Variants in NRXN1 observed in about 807,000 individuals in gnomAD.
NRXN1 encodes neurexin-1.
Under a neutral mutation model 150.9 loss-of-function variants are expected in NRXN1, and 39 were observed. That is an observed-to-expected ratio of 0.26 (90% confidence interval 0.20 to 0.34). The LOEUF is 0.34. NRXN1 is among the 10% of genes least tolerant of loss of function. NRXN1 has a pLI of 1.00. For synonymous variants in NRXN1, 924 were observed against 757.0 expected, an observed-to-expected ratio of 1.22 and a Z score of -3.62; for missense variants, 1,815 against 1,949.9, an observed-to-expected ratio of 0.93 and a Z score of 1.30.
chr2:49,976,548 G>C (rs192080656), intron 21 of NRXN1, among the ~76,000 whole-genome samples: 1 of 152,228 alleles, frequency 6.6e-6, no homozygotes, highest in Admixed American at 6.5e-5. Flanking sequence ...AGCATGACTG[G>C]TATGTTTTGA....
Position 49,920,373 on chromosome 2 carries a change from TAGAA to T in NRXN1, c.*1567_*1570del, listed in dbSNP as rs942696276. On this transcript the variant is annotated 3_prime_UTR_variant, in exon 23 of 23. Coordinates refer to ENST00000401669, the MANE Select transcript of NRXN1 (RefSeq NM_001330078.2). ...TTCAGAGATATATATATTATTTTAT[TAGAA>T]AGAAAGTTTTCAATTGCAGCAGCCA... 2 of 152,580 alleles carry T rather than the reference TAGAA, an allele frequency of 1.3e-5. No homozygotes were observed. Among genetic ancestry groups the T allele is most frequent in the African/African-American group, 2.4e-5 (1 of 41,426 alleles). The allele number at this position is 152,580 out of a possible 1,614,324, so 9.5% of individuals were successfully genotyped here.
intron 21 of NRXN1, among the ~76,000 whole-genome samples, chr2:50,025,028 C>G (rs1418398376): frequency 6.6e-6 from 1 of 152,000 alleles, no homozygotes; most frequent in Admixed American, 6.6e-5. Context: ...TTCACTCAGC[C>G]TATATATCTA....
chr2:50,788,253 A>AT lies in NRXN1; in HGVS notation c.832+133615dup, dbSNP rs531389570. Among the ~76,000 whole-genome samples the AT allele has an allele frequency of 5.3e-3, 801 of 151,494 alleles. 2 individuals carry two copies. Among genetic ancestry groups the AT allele is most frequent in the Middle Eastern group, 0.014 (4 of 294 alleles). ...AGGCACCCGCCACCATGCCTGGTTAATTTTTTTTGTATTTTTAGTAGAGAT... is the reference window on the plus strand; with the variant it reads ...AGGCACCCGCCACCATGCCTGGTTAATTTTTTTTTGTATTTTTAGTAGAGAT... On this transcript the variant is annotated intron_variant, in intron 5 of 22. Transcript: ENST00000401669.
At chr2:49,961,742 T>C (rs1432883882) in intron 21 of NRXN1, among the ~76,000 whole-genome samples, 1 of 152,200 alleles carries the variant, frequency 6.6e-6, no homozygotes, top group Non-Finnish European at 1.5e-5. Context: ...AAATAAATGC[T>C]CTTCTACTCT....
rs75519183 is a variant in NRXN1 at position 50,031,255 on chromosome 2, C to G, written c.4128+22016G>C. 1.2e-4 allele frequency among the ~76,000 whole-genome samples: 19 copies of G among 152,066 alleles called. 1 individual carries two copies. In the East Asian group the frequency reaches 3.7e-3, roughly 29 times the overall value. ...GCATGCTTGGAAGGAATCTTTTGCTCAAACTCAGATTATGTTATTACACTG... is the reference window on the plus strand; with the variant it reads ...GCATGCTTGGAAGGAATCTTTTGCTGAAACTCAGATTATGTTATTACACTG... On this transcript the variant is annotated intron_variant, in intron 21 of 22. Coordinates refer to ENST00000401669, the MANE Select transcript of NRXN1 (RefSeq NM_001330078.2).
intron 9 of NRXN1, among the ~76,000 whole-genome samples, chr2:50,546,524 G>A (rs552890902): frequency 4.6e-5 from 7 of 152,046 alleles, no homozygotes; most frequent in South Asian, 2.1e-4. Context: ...ATATTAAACA[G>A]ATAGCCTGAA....
At chr2:50,228,399 G>A (rs1279641656) in intron 18 of NRXN1, among the ~76,000 whole-genome samples, 4 of 151,984 alleles carry the variant, frequency 2.6e-5, no homozygotes, top group East Asian at 1.9e-4. Context: ...GTAAAGGCAA[G>A]CACGGAGTAA....
chr2:50,410,407 T>C (rs1219046911), intron 17 of NRXN1, among the ~76,000 whole-genome samples: 1 of 152,222 alleles, frequency 6.6e-6, no homozygotes, highest in Non-Finnish European at 1.5e-5. Flanking sequence ...CTTTTGTACC[T>C]ATCTGCCTCT....
intron 5 of NRXN1, among the ~76,000 whole-genome samples, chr2:50,787,289 G>A (rs1264151956): frequency 6.6e-6 from 1 of 152,084 alleles, no homozygotes; most frequent in African/African-American, 2.4e-5. Flanking sequence ...GCAGGGCGCT[G>A]TGGCTCATGC....
At chr2:50,587,279 G>A (rs909598179) in intron 8 of NRXN1, among the ~76,000 whole-genome samples, 6 of 152,296 alleles carry the variant, frequency 3.9e-5, no homozygotes, top group African/African-American at 1.2e-4. Flanking sequence ...GAGAACAGGA[G>A]TTTGAGACCA....
At chr2:50,855,763 T>A (rs1346651207) in intron 5 of NRXN1, among the ~76,000 whole-genome samples, 9 of 152,056 alleles carry the variant, frequency 5.9e-5, no homozygotes, top group African/African-American at 2.2e-4. Context: ...TCATTGAATA[T>A]CTTACTATGT....
chr2:50,245,891 A>G (rs934387543), intron 17 of NRXN1, among the ~76,000 whole-genome samples: 2 of 151,946 alleles, frequency 1.3e-5, no homozygotes, highest in East Asian at 3.9e-4. Flanking sequence ...AGATGGGTGC[A>G]GGCTTGTACT....
intron 18 of NRXN1, among the ~76,000 whole-genome samples, chr2:50,169,972 G>C: frequency 6.6e-6 from 1 of 151,874 alleles, no homozygotes; most frequent in East Asian, 1.9e-4. Context: ...CTTTGACTTT[G>C]TTCTACAGGT....
chr2:50,738,357 A>G (rs1260937019), intron 5 of NRXN1, among the ~76,000 whole-genome samples: 1 of 152,184 alleles, frequency 6.6e-6, no homozygotes, highest in Non-Finnish European at 1.5e-5. Flanking sequence ...TGTATTCCAA[A>G]TTTAAAAAGC....
At chr2:50,305,217 T>A (rs1316678346) in intron 17 of NRXN1, among the ~76,000 whole-genome samples, 1 of 152,190 alleles carries the variant, frequency 6.6e-6, no homozygotes, top group Non-Finnish European at 1.5e-5. Flanking sequence ...ACTCAAGGGC[T>A]GATTCCTTTT....
intron 18 of NRXN1, among the ~76,000 whole-genome samples, chr2:50,236,254 C>G (rs573774714): frequency 6.6e-6 from 1 of 152,062 alleles, no homozygotes; most frequent in Non-Finnish European, 1.5e-5. Flanking sequence ...TGACACGTAT[C>G]AAAATGAGTA....
At chr2:50,609,976 C>T (rs138508725) in intron 8 of NRXN1, among the ~76,000 whole-genome samples, 126 of 152,084 alleles carry the variant, frequency 8.3e-4, no homozygotes, top group African/African-American at 2.6e-3. Flanking sequence ...TCACATGCTT[C>T]GGAATAAGAG....
At chr2:50,374,233 G>C (rs2080321405) in intron 17 of NRXN1, among the ~76,000 whole-genome samples, 1 of 151,544 alleles carries the variant, frequency 6.6e-6, no homozygotes, top group African/African-American at 2.4e-5. Context: ...AGAAGTTCAA[G>C]GCTGTAGTGA....
intron 18 of NRXN1, among the ~76,000 whole-genome samples, chr2:50,107,562 T>C (rs1183726149): frequency 7.0e-6 from 1 of 143,536 alleles, no homozygotes; most frequent in African/African-American, 2.5e-5. Flanking sequence ...ACCCAAGTAC[T>C]ACAATAGAAA....
Sources: allele counts gnomAD v4.1 joint callset (sites outside exome capture counted in the v4.1 genomes callset), GRCh38; gene constraint gnomAD v4.1.1; transcripts MANE v1.5; gene names NCBI Gene and HGNC (gene_info 2026-07-23, HGNC 2026-07-21).